The following NDE1 variants were observed in gnomAD, a reference collection of about 807,000 sequenced individuals.
NDE1 encodes nudE neurodevelopment protein 1.
A neutral mutation model predicts 43.4 loss-of-function variants in NDE1; 28 were observed. The ratio of observed to expected loss-of-function variants is 0.65; its 90% CI spans 0.48 to 0.89. The LOEUF (loss-of-function observed/expected upper bound fraction) is 0.89, where lower values mean the gene tolerates loss of function less well. Ranked by LOEUF, NDE1 falls within the 40% of genes least tolerant of loss-of-function variation. The pLI is 0.00. For synonymous variants in NDE1, 184 were observed against 172.0 expected, an observed-to-expected ratio of 1.07 and a Z score of -0.55; for missense variants, 441 against 434.1, an observed-to-expected ratio of 1.02 and a Z score of -0.14.
At chr16:15,690,353 C>CTTTTCTT in intron 5 of NDE1, among the ~76,000 whole-genome samples, 1 of 80,950 alleles carries the variant, frequency 1.2e-5, no homozygotes, top group Non-Finnish European at 2.2e-5. Flanking sequence ...TTTTTTTTTT[C>CTTTTCTT]TTTTTTTTTT....
chr16:15,715,400 T>C, intron 8 of NDE1: 1 of 809,114 alleles, frequency 1.2e-6, no homozygotes, highest in Non-Finnish European at 2.1e-6. Context: ...CAAGAATCAG[T>C]CAGATGGTGG....
At position 15,664,766 on chromosome 16, in the gene NDE1, C is replaced by A; in HGVS notation, c.-13C>A. On this transcript the variant is annotated 5_prime_UTR_variant, in exon 2 of 9. Coordinates refer to ENST00000396354, the MANE Select transcript of NDE1 (RefSeq NM_017668.3). ...ATGCCACAAGGAGAGTGATCTCTTC[C>A]CCTGTTTTCACAATGGAGGACTCCG... The A allele has an allele frequency of 6.3e-7, 1 of 1,595,388 alleles. No homozygotes were observed. Among genetic ancestry groups the A allele is most frequent in the Non-Finnish European group, 8.6e-7 (1 of 1,163,104 alleles).
chr16:15,706,379 T>G (rs1413318073), intron 8 of NDE1, among the ~76,000 whole-genome samples: 1 of 152,028 alleles, frequency 6.6e-6, no homozygotes, highest in East Asian at 1.9e-4. Flanking sequence ...CCCACACAGC[T>G]CTCTTCGTCA....
intron 7 of NDE1, chr16:15,694,758 A>G (rs539021392): frequency 1.0e-6 from 1 of 985,380 alleles, no homozygotes; most frequent in East Asian, 1.1e-4. Context: ...CTCTGACTCG[A>G]AGCCCTGCTC....
chr16:15,649,892 G>A (rs142392293), upstream of NDE1, among the ~76,000 whole-genome samples: 379 of 152,338 alleles, frequency 2.5e-3, 5 homozygotes, highest in African/African-American at 8.4e-3. Context: ...GCAAGAATGG[G>A]AAAATGCAAT....
At chr16:15,696,655 A>C (rs1822750256) in intron 7 of NDE1, 54 bp from the exon 8 acceptor site, 10 of 1,613,714 alleles carry the variant, frequency 6.2e-6, no homozygotes, top group African/African-American at 2.7e-5. Context: ...GGCTCTGGTA[A>C]GACAGAATAG....
At chr16:15,670,709 C>T (rs2037551319) in intron 3 of NDE1, among the ~76,000 whole-genome samples, 1 of 150,068 alleles carries the variant, frequency 6.7e-6, no homozygotes, top group Non-Finnish European at 1.5e-5. Flanking sequence ...TTGAGGGAGG[C>T]TGTGTGGAGG....
At chr16:15,677,481 G>T (rs2037941693) in intron 3 of NDE1, among the ~76,000 whole-genome samples, 1 of 152,168 alleles carries the variant, frequency 6.6e-6, no homozygotes, top group East Asian at 1.9e-4. Context: ...AGCCACTTGG[G>T]AGGCTGAGGC....
At chr16:15,718,431 G>T in intron 8 of NDE1, 1 of 1,567,316 alleles carries the variant, frequency 6.4e-7, no homozygotes. Context: ...TCGTCCTGGA[G>T]TGCGTTCCTG....
chr16:15,708,811 T>G, intron 8 of NDE1: 1 of 1,608,618 alleles, frequency 6.2e-7, no homozygotes, highest in Non-Finnish European at 8.5e-7. Context: ...ACCTGGTGCA[T>G]CACTGCGAAG....
intron 8 of NDE1, among the ~76,000 whole-genome samples, chr16:15,707,455 C>T (rs2039518347): frequency 6.6e-6 from 1 of 152,152 alleles, no homozygotes; most frequent in African/African-American, 2.4e-5. Context: ...CTTCAGCCCA[C>T]CCTGGAATTT....
At chr16:15,704,621 A>G (rs2039350123) in intron 8 of NDE1, among the ~76,000 whole-genome samples, 1 of 152,188 alleles carries the variant, frequency 6.6e-6, no homozygotes. Flanking sequence ...TTGAATTGGA[A>G]GAAGGTGAAA....
chr16:15,707,674 C>T (rs1224087875), intron 8 of NDE1, among the ~76,000 whole-genome samples: 3 of 152,148 alleles, frequency 2.0e-5, no homozygotes, highest in African/African-American at 7.2e-5. Flanking sequence ...AAGTCAGATC[C>T]ACATGGCCTA....
chr16:15,724,464 C>T lies in NDE1; in HGVS notation c.*213C>T. ...GAGGGGGACCATGAGTGGCCCCTGT[C>T]CCTGGCCCCACAGACTCTGAGAAGC... On this transcript the variant is annotated 3_prime_UTR_variant, in exon 9 of 9. Transcript: ENST00000396354. 1 of 1,610,810 alleles carries T rather than the reference C, an allele frequency of 6.2e-7. No homozygotes were observed. The highest frequency in any genetic ancestry group is 8.5e-7 in the Non-Finnish European group (1 of 1,179,170).
chr16:15,720,471 C>T (rs911721577), intron 8 of NDE1, among the ~76,000 whole-genome samples: 1 of 151,876 alleles, frequency 6.6e-6, no homozygotes, highest in Non-Finnish European at 1.5e-5. Context: ...TCACGCCGGG[C>T]GTGGGTGGCT....
chr16:15,667,824 G>C (rs568292216), intron 3 of NDE1, among the ~76,000 whole-genome samples: 1 of 151,726 alleles, frequency 6.6e-6, no homozygotes, highest in Admixed American at 6.6e-5. Context: ...TAGTAGAGAC[G>C]GGGTTTTATG....
chr16:15,724,196 ACACGAGTTGCCGCTGGTTGTC>A lies in NDE1; in HGVS notation c.956_976del (p.Thr319_Ser325del). 1 of 1,614,014 alleles carries A rather than the reference ACACGAGTTGCCGCTGGTTGTC, an allele frequency of 6.2e-7. No individual in the cohort carries two copies. Among genetic ancestry groups the A allele is most frequent in the Non-Finnish European group, 8.5e-7 (1 of 1,180,030 alleles). On this transcript the variant is annotated inframe_deletion, in exon 9 of 9. Coordinates refer to ENST00000396354, the MANE Select transcript of NDE1 (RefSeq NM_017668.3). ...TTCCTCTGCTTCTTTTCCAGGTTGG[ACACGAGTTGCCGCTGGTTGTC>A]CAAATCAACAACCAGGTCGTCCAGC... is the stretch of plus-strand genomic sequence containing the variant.
exon 1 of NDE1, chr16:15,643,393 G>C (rs773432152): frequency 2.0e-6 from 1 of 490,672 alleles, no homozygotes; most frequent in South Asian, 1.5e-5. Context: ...GTTTAAGGAG[G>C]CCTTCCCCCT....
intron 8 of NDE1, chr16:15,719,473 G>A (rs542628354): frequency 7.7e-6 from 12 of 1,555,276 alleles, no homozygotes; most frequent in East Asian, 4.5e-5. Context: ...TTCTAGACAG[G>A]TGGACCCCAG....
Sources: allele counts gnomAD v4.1 joint callset (sites outside exome capture counted in the v4.1 genomes callset), GRCh38; gene constraint gnomAD v4.1.1; transcripts MANE v1.5; gene names NCBI Gene and HGNC (gene_info 2026-07-23, HGNC 2026-07-21).